MAP4: variants seen among roughly 807,000 people sequenced by gnomAD.
The protein encoded by MAP4 is microtubule associated protein 4.
In MAP4, 76 loss-of-function variants were observed where a neutral mutation model predicts 170.2. The ratio of observed to expected loss-of-function variants is 0.45; its 90% CI spans 0.37 to 0.54. MAP4 has a LOEUF of 0.54. MAP4 is among the 20% of genes least tolerant of loss of function. MAP4 has a pLI of 0.00. For missense variants in MAP4, 2,506 were observed against 2,748.0 expected (o/e 0.91, Z 1.97); for synonymous variants, 909 against 994.5 (o/e 0.91, Z 1.62).
intron 1 of MAP4, among the ~76,000 whole-genome samples, chr3:48,057,657 A>AC (rs1320773038): frequency 6.6e-6 from 1 of 150,888 alleles, no homozygotes; most frequent in African/African-American, 2.4e-5. Flanking sequence ...AAAAAAAAAA[A>AC]AAAGTAAGCA....
chr3:47,942,716 A>G (rs146187494), intron 3 of MAP4, among the ~76,000 whole-genome samples: 204 of 152,360 alleles, frequency 1.3e-3, no homozygotes, highest in African/African-American at 4.8e-3. Context: ...ATATACATAC[A>G]TATCTTACAG....
chr3:47,918,970 C>A, intron 5 of MAP4, 129 bp from the exon 6 acceptor site: 4 of 664,424 alleles, frequency 6.0e-6, no homozygotes, highest in South Asian at 1.9e-5. Flanking sequence ...GCTCTGTTGC[C>A]CACGCAGACA....
At chr3:48,081,111 G>A (rs946530702) in intron 1 of MAP4, among the ~76,000 whole-genome samples, 4 of 151,900 alleles carry the variant, frequency 2.6e-5, no homozygotes, top group East Asian at 1.9e-4. Flanking sequence ...GCGACAGAGC[G>A]AGACTCCATC....
chr3:47,905,729 C>G (rs929190538), intron 9 of MAP4, among the ~76,000 whole-genome samples: 1 of 151,966 alleles, frequency 6.6e-6, no homozygotes, highest in African/African-American at 2.4e-5. Context: ...CATGGTAGCT[C>G]ATGCCTGTAA....
At chr3:47,978,562 C>T (rs751224011) in intron 2 of MAP4, among the ~76,000 whole-genome samples, 1 of 152,050 alleles carries the variant, frequency 6.6e-6, no homozygotes, top group African/African-American at 2.4e-5. Context: ...GGTGATTCAC[C>T]GCCTTGGCCT....
At chr3:48,025,411 C>T (rs556720085) in intron 1 of MAP4, among the ~76,000 whole-genome samples, 2 of 151,540 alleles carry the variant, frequency 1.3e-5, no homozygotes, top group South Asian at 4.2e-4. Context: ...GCCTCAGCCT[C>T]CCAAGTAGCG....
chr3:48,009,079 T>C (rs1197718770), intron 1 of MAP4, among the ~76,000 whole-genome samples: 1 of 152,168 alleles, frequency 6.6e-6, no homozygotes, highest in East Asian at 1.9e-4. Context: ...ATTTGTGGAA[T>C]GTTTTTTTGG....
chr3:48,023,289 G>A (rs1451048678), intron 1 of MAP4, among the ~76,000 whole-genome samples: 1 of 152,142 alleles, frequency 6.6e-6, no homozygotes, highest in African/African-American at 2.4e-5. Context: ...ATTTTAAGGA[G>A]ACAAGGCTTA....
At chr3:48,077,276 T>C (rs2100144408) in intron 1 of MAP4, among the ~76,000 whole-genome samples, 1 of 151,756 alleles carries the variant, frequency 6.6e-6, no homozygotes, top group African/African-American at 2.4e-5. Context: ...AACCCCACTC[T>C]ACTAAAAATA....
intron 1 of MAP4, among the ~76,000 whole-genome samples, chr3:48,084,513 T>G (rs565965507): frequency 1.3e-5 from 2 of 151,944 alleles, no homozygotes; most frequent in South Asian, 4.2e-4. Context: ...CTAGGAGCTC[T>G]AAAATGGTAG....
chr3:47,921,613 C>T, intron 5 of MAP4, 152 bp downstream of exon 5: 1 of 494,498 alleles, frequency 2.0e-6, no homozygotes. Context: ...CCCTAGGTAC[C>T]TCTCATGTAC....
At chr3:48,077,171 G>C (rs144108268) in intron 1 of MAP4, among the ~76,000 whole-genome samples, 1 of 152,166 alleles carries the variant, frequency 6.6e-6, no homozygotes, top group South Asian at 2.1e-4. Context: ...AGCCAGGCAC[G>C]GTGGCTCACG....
intron 3 of MAP4, chr3:47,961,089 G>C (rs1030691099): frequency 6.5e-6 from 1 of 153,402 alleles, no homozygotes; most frequent in Non-Finnish European, 1.5e-5. Flanking sequence ...AAACCTCACT[G>C]TCAGTGATAC....
rs535600402 is a variant in MAP4 at position 47,853,213 on chromosome 3, C to T, written c.6836G>A (p.Gly2279Asp). ...GGTCTGGGCCTCCCTTTGGTCACCA[C>T]CCCCTGACAGGGTGGGGTGGCCATT... is the stretch of plus-strand genomic sequence containing the variant. The part of the protein sequence containing the change: ...GLNGHPTLSG[G>D]GDQREAQTLD... The change falls in exon 20 of 21, where the codon GGT becomes GAT. Residue 2279 changes from glycine to aspartate, a missense_variant. Gly to Asp is a moderately conservative substitution (Grantham distance 94). Coordinates refer to ENST00000683076, the MANE Select transcript of MAP4 (RefSeq NM_001385682.1). 7.6e-6 allele frequency: 12 copies of T among 1,579,430 alleles called. No individual in the cohort carries two copies. In the Admixed American group the frequency reaches 1.8e-4, roughly 24 times the overall value.
intron 1 of MAP4, among the ~76,000 whole-genome samples, chr3:48,080,871 T>C (rs572465713): frequency 2.0e-5 from 3 of 152,280 alleles, no homozygotes; most frequent in African/African-American, 7.2e-5. Context: ...ACGCCTGTAA[T>C]CCGAGCACTT....
At chr3:47,933,702 G>A (rs1338392562) in intron 3 of MAP4, among the ~76,000 whole-genome samples, 1 of 150,252 alleles carries the variant, frequency 6.7e-6, no homozygotes, top group Non-Finnish European at 1.5e-5. Flanking sequence ...CCAGATTCAC[G>A]CCATTCTCCT....
intron 12 of MAP4, among the ~76,000 whole-genome samples, chr3:47,874,097 T>A (rs1398572545): frequency 1.3e-5 from 2 of 152,238 alleles, no homozygotes; most frequent in Non-Finnish European, 2.9e-5. Context: ...CAGTCCTGGT[T>A]TGGCCCCTTA....
chr3:48,027,639 G>T (rs572251225), intron 1 of MAP4, among the ~76,000 whole-genome samples: 1 of 152,190 alleles, frequency 6.6e-6, no homozygotes, highest in African/African-American at 2.4e-5. Flanking sequence ...AAGCCCAGGG[G>T]CTCGAGACCA....
At chr3:48,037,002 G>C (rs1290028547) in intron 1 of MAP4, among the ~76,000 whole-genome samples, 1 of 152,164 alleles carries the variant, frequency 6.6e-6, no homozygotes, top group Non-Finnish European at 1.5e-5. Context: ...CCTATGAAAT[G>C]CATAAGGCTC....
Sources: allele counts gnomAD v4.1 joint callset (sites outside exome capture counted in the v4.1 genomes callset), GRCh38; gene constraint gnomAD v4.1.1; transcripts MANE v1.5; gene names NCBI Gene and HGNC (gene_info 2026-07-23, HGNC 2026-07-21).